The following DHX8 variants were observed in gnomAD, a reference collection of about 807,000 sequenced individuals.
The protein encoded by DHX8 is ATP-dependent RNA helicase DHX8.
In DHX8, 67 loss-of-function variants were observed where a neutral mutation model predicts 140.7. The ratio of observed to expected loss-of-function variants is 0.48; its 90% CI spans 0.39 to 0.58. The LOEUF is 0.58. Ranked by LOEUF, DHX8 falls within the 20% of genes least tolerant of loss-of-function variation. The probability of loss-of-function intolerance (pLI) is 0.00; values close to 1 mark genes in which losing one functional copy is unlikely to be tolerated. For synonymous variants in DHX8, 533 were observed against 553.2 expected (o/e 0.96, Z 0.51); for missense variants, 887 against 1,550.7 (o/e 0.57, Z 7.19).
intron 17 of DHX8, among the ~76,000 whole-genome samples, chr17:43,515,564 A>T (rs1274601805): frequency 2.6e-5 from 4 of 152,154 alleles, no homozygotes; most frequent in African/African-American, 9.7e-5. Context: ...CATTGATCCT[A>T]TGTGGTAGAT....
At chr17:43,486,424 C>G (rs1003630600) in intron 1 of DHX8, among the ~76,000 whole-genome samples, 5 of 152,042 alleles carry the variant, frequency 3.3e-5, no homozygotes, top group Non-Finnish European at 7.4e-5. Context: ...AACTGGAAAA[C>G]CTGCTAGACA....
At position 43,515,502 on chromosome 17, in the gene DHX8, C is replaced by T. The variant is rs529777462; in HGVS notation, c.2644-1665C>T. Among the ~76,000 whole-genome samples, 17 of 152,284 alleles carry T rather than the reference C, an allele frequency of 1.1e-4. No homozygotes were observed. In the South Asian group the frequency reaches 3.3e-3, roughly 30 times the overall value. On this transcript the variant is annotated intron_variant, in intron 17 of 22. Coordinates refer to ENST00000262415, the MANE Select transcript of DHX8 (RefSeq NM_004941.3). ...GCGCCTGGCCCAATAATAGCTAACACTTACAGTGTACTTAACGTCCTAGAT... is the reference window on the plus strand; with the variant it reads ...GCGCCTGGCCCAATAATAGCTAACATTTACAGTGTACTTAACGTCCTAGAT...
chr17:43,523,692 C>T lies in DHX8; in HGVS notation c.3508C>T (p.Pro1170Ser). The T allele has an allele frequency of 1.2e-6, 2 of 1,614,218 alleles. No homozygotes were observed. The highest frequency in any genetic ancestry group is 1.7e-6 in the Non-Finnish European group (2 of 1,180,034). ...EYMREVTTID[P>S]RWLVEFAPAF... ...CATGCGTGAAGTTACCACCATCGAC[C>T]CTCGGTGGCTTGTGGAGTTTGCCCC... Residue 1170 changes from proline (P) to serine (S), a missense_variant, in exon 23 of 23, where the codon CCT (proline) becomes TCT (serine). By Grantham distance (74) the Pro-to-Ser change is moderately conservative. This residue lies in a region of DHX8 where 101 missense variants were observed against 168.2 expected (regional missense o/e 0.60). Coordinates refer to ENST00000262415, the MANE Select transcript of DHX8 (RefSeq NM_004941.3).
intron 3 of DHX8, among the ~76,000 whole-genome samples, chr17:43,538,062 AC>A (rs1214396403): frequency 6.6e-6 from 1 of 151,482 alleles, no homozygotes; most frequent in Non-Finnish European, 1.5e-5. Context: ...AATGGCGTGA[AC>A]CTGGGAGGCG....
intron 17 of DHX8, among the ~76,000 whole-genome samples, chr17:43,516,001 T>C (rs973452659): frequency 6.6e-6 from 1 of 152,076 alleles, no homozygotes; most frequent in African/African-American, 2.4e-5. Context: ...AAAATCAGTG[T>C]TTTTGAAGTA....
chr17:43,529,234 G>A (rs1366304968), downstream of DHX8: 17 of 1,613,812 alleles, frequency 1.1e-5, no homozygotes, highest in South Asian at 2.2e-5. Flanking sequence ...AGAGCCTGGC[G>A]ACCTGGGAAC....
At chr17:43,495,740 T>C (rs909199166) in intron 8 of DHX8, among the ~76,000 whole-genome samples, 4 of 152,084 alleles carry the variant, frequency 2.6e-5, no homozygotes, top group Admixed American at 2.0e-4. Context: ...GCTCCCGATA[T>C]CGTGGGTCAG....
At position 43,521,319 on chromosome 17, in the gene DHX8, A is replaced by G; in HGVS notation, c.3067-50A>G. ...GGCTCCCTAGAATTGCTCCATGTTCAGTTAGTAGCTGTTGAGTCGGAAATG... is the reference window on the plus strand; with the variant it reads ...GGCTCCCTAGAATTGCTCCATGTTCGGTTAGTAGCTGTTGAGTCGGAAATG... On this transcript the variant is annotated intron_variant, in intron 20 of 22. Transcript: ENST00000262415. 6.7e-6 allele frequency: 10 copies of G among 1,484,158 alleles called. 1 individual carries two copies. The highest frequency in any genetic ancestry group is 8.3e-6 in the Non-Finnish European group (9 of 1,087,732). 91.9% of individuals were successfully genotyped at this position (1,484,158 alleles called of 1,614,324 possible).
chr17:43,539,628 A>G (rs1246164546), intron 3 of DHX8, among the ~76,000 whole-genome samples: 2 of 152,224 alleles, frequency 1.3e-5, no homozygotes, highest in Admixed American at 1.3e-4. Flanking sequence ...ATGAATAAAC[A>G]TGCAATAATC....
At position 43,524,544 on chromosome 17, in the gene DHX8, C is replaced by T. The variant is rs546860258; in HGVS notation, c.*697C>T. 5.7e-4 allele frequency: 564 copies of T among 986,334 alleles called. 4 individuals carry two copies. The African/African-American group carries it at 9.4e-3, about 16-fold the overall frequency. The allele number at this position is 986,334 out of a possible 1,614,324, so 61.1% of individuals were successfully genotyped here. A position where few individuals can be genotyped will look rare whatever the true frequency, so the allele number is the denominator to read the frequency against. ...CTAGCCGGGCCGTGCTGGGGGATCA[C>T]CCGATGATCAACCATGTCCTCTCCA... On this transcript the variant is annotated 3_prime_UTR_variant, in exon 23 of 23. Coordinates refer to ENST00000262415, the MANE Select transcript of DHX8 (RefSeq NM_004941.3).
intron 2 of DHX8, among the ~76,000 whole-genome samples, chr17:43,531,888 C>T (rs924330563): frequency 3.3e-5 from 5 of 152,174 alleles, no homozygotes; most frequent in Admixed American, 1.3e-4. Flanking sequence ...TCTGCACACT[C>T]GTGTTCCTGT....
At chr17:43,515,209 G>GA (rs925520150) in intron 17 of DHX8, among the ~76,000 whole-genome samples, 103 of 152,110 alleles carry the variant, frequency 6.8e-4, no homozygotes, top group African/African-American at 2.2e-3. Flanking sequence ...TGTTTTTTGA[G>GA]ATGGGGCCTT....
At chr17:43,499,761 C>T (rs1022495915) in intron 10 of DHX8, among the ~76,000 whole-genome samples, 195 bp from the exon 11 acceptor site, 1 of 152,182 alleles carries the variant, frequency 6.6e-6, no homozygotes, top group Non-Finnish European at 1.5e-5. Context: ...CATCCAGTTC[C>T]TTCAATGATG....
intron 15 of DHX8, 87 bp from the exon 16 acceptor site, chr17:43,508,252 T>A: frequency 6.6e-7 from 1 of 1,511,700 alleles, no homozygotes; most frequent in Non-Finnish European, 8.8e-7. Context: ...GTTCTGTTAT[T>A]TGAAGTTTTA....
chr17:43,529,163 T>A, downstream of DHX8: 1 of 1,614,020 alleles, frequency 6.2e-7, no homozygotes, highest in Non-Finnish European at 8.5e-7. Flanking sequence ...CTCATAATAG[T>A]ATCGGAGCGA....
chr17:43,533,238 G>A (rs1461434305), intron 2 of DHX8: 1 of 1,614,020 alleles, frequency 6.2e-7, no homozygotes, highest in Admixed American at 1.7e-5. Flanking sequence ...GGTGCCAGAG[G>A]ATCTCAGGAA....
downstream of DHX8, chr17:43,530,066 C>A (rs773060276): frequency 1.2e-6 from 2 of 1,611,052 alleles, no homozygotes; most frequent in African/African-American, 1.3e-5. Context: ...GCTCCCTCCC[C>A]CAACATGGAG....
intron 2 of DHX8, chr17:43,532,747 C>A (rs1328580574): frequency 9.9e-6 from 16 of 1,614,022 alleles, no homozygotes; most frequent in Non-Finnish European, 1.2e-5. Context: ...GCCCATTGAC[C>A]CCACCCTGGT....
In DHX8 at chr17:43,523,062, CAAAAAAAA is replaced by C. The variant is rs5820498; in HGVS notation, c.3444-556_3444-549del. On this transcript the variant is annotated intron_variant, in intron 22 of 22. Transcript: ENST00000262415. ...TGGGAGACAGAGTGAGACTCCGTCC[CAAAAAAAA>C]AAAAAAAAAGAAAGAAAAAAACAAC... 2.9e-5 allele frequency among the ~76,000 whole-genome samples: 3 copies of C among 102,706 alleles called. No homozygotes were observed. The Admixed American group carries it at 3.1e-4, about 11-fold the overall frequency. 67.4% of individuals were successfully genotyped at this position (102,706 alleles called of 152,430 possible). A position where few individuals can be genotyped will look rare whatever the true frequency, so the allele number is the denominator to read the frequency against.
Sources: allele counts gnomAD v4.1 joint callset (sites outside exome capture counted in the v4.1 genomes callset), GRCh38; gene constraint gnomAD v4.1.1; regional missense constraint gnomAD v4.1.1; transcripts MANE v1.5; gene names NCBI Gene and HGNC (gene_info 2026-07-23, HGNC 2026-07-21).